Variants in PAM observed in about 807,000 individuals in gnomAD.
The protein encoded by PAM is peptidyl-glycine alpha-amidating monooxygenase.
A neutral mutation model predicts 122.1 loss-of-function variants in PAM; 72 were observed. The observed-to-expected ratio is 0.59, with a 90% CI of 0.49 to 0.72. PAM has a LOEUF of 0.72. Ranked by LOEUF, PAM falls within the 30% of genes least tolerant of loss-of-function variation. The pLI, the probability that PAM is intolerant of heterozygous loss-of-function variation, is 0.00. For synonymous variants in PAM, 389 were observed against 404.4 expected, an observed-to-expected ratio of 0.96 and a Z score of 0.46; for missense variants, 1,106 against 1,183.7, an observed-to-expected ratio of 0.93 and a Z score of 0.96.
At position 102,961,193 on chromosome 5, in the gene PAM, C is replaced by A; in HGVS notation, c.1126C>A (p.Gln376Lys). The change falls in exon 14 of 26, where the codon CAG (glutamine) becomes AAG (lysine). Residue 376 changes from glutamine (Q) to lysine (K), a missense_variant. Gln to Lys is a moderately conservative substitution (Grantham distance 53, BLOSUM62 1). This residue lies in a region of PAM where 670 missense variants were observed against 690.3 expected (regional missense o/e 0.97). Coordinates refer to ENST00000438793, the MANE Select transcript of PAM (RefSeq NM_001177306.2). ...TAAAGATAAGATTCCTTTACTACAGCAGCCAAAACGAGAAGAAGAAGAAGT... is the reference window on the plus strand; with the variant it reads ...TAAAGATAAGATTCCTTTACTACAGAAGCCAAAACGAGAAGAAGAAGAAGT... ...EYKDKIPLLQQPKREEEEVLD... is the reference protein window; with the variant it reads ...EYKDKIPLLQKPKREEEEVLD... 6.3e-7 allele frequency: 1 copy of A among 1,581,490 alleles called. No individual in the cohort carries two copies. The highest frequency in any genetic ancestry group is 8.7e-7 in the Non-Finnish European group (1 of 1,151,132).
At chr5:102,807,957 C>T (rs183662) in intron 1 of PAM, 82,585 of 152,030 alleles carry the variant, frequency 0.54, 23,557 homozygotes, top group Middle Eastern at 0.66. Flanking sequence ...GTGTCACACC[C>T]GCTGCCTCTG....
chr5:102,945,691 A>G (rs1007051158), intron 7 of PAM, among the ~76,000 whole-genome samples: 2 of 152,054 alleles, frequency 1.3e-5, no homozygotes, highest in African/African-American at 4.8e-5. Context: ...TAGTCACAGA[A>G]TAAGTCTATC....
intron 12 of PAM, among the ~76,000 whole-genome samples, chr5:102,958,337 C>A (rs1002978679): frequency 2.6e-5 from 4 of 152,096 alleles, no homozygotes; most frequent in Non-Finnish European, 5.9e-5. Context: ...AAGCTAGAGC[C>A]ACATCTAAAA....
intron 15 of PAM, among the ~76,000 whole-genome samples, chr5:102,980,102 G>A (rs955694356): frequency 6.6e-6 from 1 of 152,016 alleles, no homozygotes; most frequent in Admixed American, 6.6e-5. Flanking sequence ...TTCTCAACAT[G>A]TTCTCAACTC....
chr5:102,962,235 G>A lies in PAM; in HGVS notation c.1162+1006G>A, dbSNP rs375344045. ...TCCTGAGGTTTTTAAATTATACAGC[G>A]GATGTTTTATAATATCTCATTCTAA... On this transcript the variant is annotated intron_variant, in intron 14 of 25. Coordinates refer to ENST00000438793, the MANE Select transcript of PAM (RefSeq NM_001177306.2). Among the ~76,000 whole-genome samples, 6 of 151,748 alleles carry A rather than the reference G, an allele frequency of 4.0e-5. No homozygotes were observed. The South Asian group carries it at 1.0e-3, about 26-fold the overall frequency.
chr5:102,777,758 C>A (rs1757563414), intron 1 of PAM, among the ~76,000 whole-genome samples: 1 of 151,978 alleles, frequency 6.6e-6, no homozygotes, highest in South Asian at 2.1e-4. Context: ...ATTTTATTTC[C>A]CCCCAGAAAT....
intron 14 of PAM, among the ~76,000 whole-genome samples, chr5:102,972,365 T>A (rs1461122389): frequency 1.3e-5 from 2 of 152,186 alleles, no homozygotes; most frequent in Admixed American, 6.5e-5. Context: ...CACTGCAGCC[T>A]TGAACTCCTG....
At chr5:102,793,965 T>C (rs1762719371) in intron 1 of PAM, among the ~76,000 whole-genome samples, 1 of 152,206 alleles carries the variant, frequency 6.6e-6, no homozygotes, top group African/African-American at 2.4e-5. Flanking sequence ...TTAAAAAATG[T>C]ATTGACCATA....
At chr5:102,954,513 T>C (rs960344093) in intron 12 of PAM, among the ~76,000 whole-genome samples, 1 of 151,590 alleles carries the variant, frequency 6.6e-6, no homozygotes, top group Non-Finnish European at 1.5e-5. Flanking sequence ...TGGTAAAATG[T>C]TTTACCCATA....
chr5:102,795,514 A>G (rs1763177953), intron 1 of PAM, among the ~76,000 whole-genome samples: 2 of 152,224 alleles, frequency 1.3e-5, no homozygotes, highest in Non-Finnish European at 1.5e-5. Flanking sequence ...TGTTGTTACT[A>G]TCTGTTTTGT....
rs542043516 is a variant in PAM, at chr5:102,930,844, C to G, written c.526+4176C>G. 6.6e-5 allele frequency among the ~76,000 whole-genome samples: 10 copies of G among 152,288 alleles called. No individual in the cohort carries two copies. In the South Asian group the frequency reaches 2.1e-3, roughly 32 times the overall value. On this transcript the variant is annotated intron_variant, in intron 7 of 25. Transcript: ENST00000438793. The stretch of plus-strand genomic sequence containing the variant: ...AAAAATGTATAGACTTTTAAATTTT[C>G]TAAAACTTAATATTCCATAGGAAAT...
chr5:102,878,423 C>T (rs953766143), intron 3 of PAM, among the ~76,000 whole-genome samples: 4 of 151,884 alleles, frequency 2.6e-5, no homozygotes, highest in Non-Finnish European at 4.4e-5. Context: ...TGATAATGAA[C>T]GACTATGTTA....
At chr5:102,912,012 A>G (rs1801559576) in intron 4 of PAM, among the ~76,000 whole-genome samples, 1 of 152,002 alleles carries the variant, frequency 6.6e-6, no homozygotes, top group Admixed American at 6.6e-5. Context: ...TCTTTCTAGG[A>G]CAAGAGTCAC....
intron 11 of PAM, among the ~76,000 whole-genome samples, chr5:102,950,222 A>G (rs1014382814): frequency 9.2e-5 from 14 of 152,088 alleles, no homozygotes; most frequent in African/African-American, 3.4e-4. Context: ...CAAAGACAGT[A>G]TTTCAGACAG....
intron 16 of PAM, among the ~76,000 whole-genome samples, chr5:103,001,095 A>C (rs182215335): frequency 6.6e-6 from 1 of 152,306 alleles, no homozygotes; most frequent in African/African-American, 2.4e-5. Flanking sequence ...ATGAATGTGA[A>C]GGTTACAATA....
chr5:103,024,863 A>T (rs1784517027), intron 23 of PAM, among the ~76,000 whole-genome samples: 1 of 152,192 alleles, frequency 6.6e-6, no homozygotes, highest in African/African-American at 2.4e-5. Context: ...ACAAAAGGAT[A>T]TATATTCTGT....
intron 1 of PAM, among the ~76,000 whole-genome samples, chr5:102,762,059 A>G (rs564073621): frequency 3.3e-5 from 5 of 152,156 alleles, no homozygotes; most frequent in African/African-American, 1.2e-4. Context: ...TAAAAACGTT[A>G]CTTTGTTAAA....
intron 13 of PAM, among the ~76,000 whole-genome samples, chr5:102,960,300 A>G (rs575224456): frequency 4.6e-5 from 7 of 152,102 alleles, no homozygotes; most frequent in Admixed American, 4.6e-4. Context: ...TCATTTTGGG[A>G]CCAATCCCAT....
intron 1 of PAM, among the ~76,000 whole-genome samples, chr5:102,854,485 G>A (rs1782111825): frequency 6.6e-6 from 1 of 152,110 alleles, no homozygotes; most frequent in South Asian, 2.1e-4. Flanking sequence ...CCTCAACAAT[G>A]GAGAGAGAAA....
Sources: allele counts gnomAD v4.1 joint callset (sites outside exome capture counted in the v4.1 genomes callset), GRCh38; gene constraint gnomAD v4.1.1; regional missense constraint gnomAD v4.1.1; transcripts MANE v1.5; gene names NCBI Gene and HGNC (gene_info 2026-07-23, HGNC 2026-07-21).